PTPRN2: variants seen among roughly 807,000 people sequenced by gnomAD.
PTPRN2 encodes receptor-type tyrosine-protein phosphatase N2.
In PTPRN2, 74 loss-of-function variants were observed where a neutral mutation model predicts 118.8. That is an observed-to-expected ratio of 0.62 (90% CI 0.52 to 0.76). PTPRN2 has a LOEUF of 0.76. PTPRN2 is among the 30% of genes least tolerant of loss of function. The pLI, the probability that PTPRN2 is intolerant of heterozygous loss-of-function variation, is 0.00. For synonymous variants in PTPRN2, 641 were observed against 608.0 expected (o/e 1.05, Z -0.80); for missense variants, 1,481 against 1,394.4 (o/e 1.06, Z -0.99).
chr7:158,272,534 C>T (rs1300982528), intron 3 of PTPRN2, among the ~76,000 whole-genome samples: 3 of 152,172 alleles, frequency 2.0e-5, no homozygotes. Flanking sequence ...CTTCCACATC[C>T]CCTCACTCTC....
At chr7:158,235,488 A>G (rs1225647600) in intron 3 of PTPRN2, among the ~76,000 whole-genome samples, 2 of 152,242 alleles carry the variant, frequency 1.3e-5, no homozygotes, top group African/African-American at 4.8e-5. Flanking sequence ...AAATAAGCCA[A>G]ACATAGAAAG....
chr7:158,012,974 G>A (rs1210814781), intron 11 of PTPRN2, among the ~76,000 whole-genome samples: 1 of 152,206 alleles, frequency 6.6e-6, no homozygotes, highest in African/African-American at 2.4e-5. Context: ...GAGAGTGGAG[G>A]TGGTCAGACA....
intron 11 of PTPRN2, among the ~76,000 whole-genome samples, chr7:158,070,343 G>GTGGTGGTGGAGGTGCCCC (rs1563386316): frequency 1.4e-4 from 20 of 137,938 alleles, no homozygotes; most frequent in Non-Finnish European, 2.8e-4. Context: ...GGAGGTGCCC[G>GTGGTGGTGGAGGTGCCCC]TGGTGGTGGA....
intron 3 of PTPRN2, among the ~76,000 whole-genome samples, chr7:158,231,404 G>A (rs1327378230): frequency 6.6e-6 from 1 of 152,100 alleles, no homozygotes; most frequent in African/African-American, 2.4e-5. Flanking sequence ...TGATAAAAGG[G>A]TCAATCAGCA....
At position 158,130,513 on chromosome 7, in the gene PTPRN2, C is replaced by CAG. The variant is rs369492965; in HGVS notation, c.1556+3163_1556+3164insCT. Among the ~76,000 whole-genome samples, 706 of 146,142 alleles carry CAG rather than the reference C, an allele frequency of 4.8e-3. 20 individuals are homozygous for CAG. The highest frequency in any genetic ancestry group is 0.018 in the African/African-American group (655 of 36,690). ...CACAAACTTCTACCCAACACACACA[C>CAG]TCATACACACACACGTACATACAGA... is the stretch of plus-strand genomic sequence containing the variant. On this transcript the variant is annotated intron_variant, in intron 9 of 22. Coordinates refer to ENST00000389418, the MANE Select transcript of PTPRN2 (RefSeq NM_002847.5).
chr7:158,263,105 CACACACACTGCACACACAT>C (rs373688491), intron 3 of PTPRN2, among the ~76,000 whole-genome samples: 8 of 58,650 alleles, frequency 1.4e-4, no homozygotes, highest in Admixed American at 2.7e-4. Flanking sequence ...ACACACTGCA[CACACACACTGCACACACAT>C]ACACATATAC....
chr7:158,404,818 GC>G (rs1379095099), intron 2 of PTPRN2, among the ~76,000 whole-genome samples: 33 of 105,816 alleles, frequency 3.1e-4, no homozygotes, highest in African/African-American at 1.2e-3. Context: ...CAGCTCCCCG[GC>G]CCCCAGCTCC....
intron 12 of PTPRN2, among the ~76,000 whole-genome samples, chr7:157,888,054 T>C (rs113956640): frequency 0.17 from 18,236 of 109,804 alleles, 1,133 homozygotes; most frequent in Middle Eastern, 0.23. Flanking sequence ...ACGCACGCTG[T>C]CTTGGGGGGT....
At chr7:157,933,890 A>G (rs1281692744) in intron 11 of PTPRN2, among the ~76,000 whole-genome samples, 1 of 134,558 alleles carries the variant, frequency 7.4e-6, no homozygotes, top group Non-Finnish European at 1.7e-5. Flanking sequence ...TAGTGGAGGG[A>G]TGAGTCACCC....
At position 157,617,428 on chromosome 7, in the gene PTPRN2, C is replaced by T. The variant is rs1335059916; in HGVS notation, c.2344+3934G>A. On this transcript the variant is annotated intron_variant, in intron 15 of 22. Coordinates refer to ENST00000389418, the MANE Select transcript of PTPRN2 (RefSeq NM_002847.5). This position sits in a 1 kb window ranked among gnomAD's most constrained non-coding sequence, Gnocchi z 7.5. ...TGCCCCAGTGATGCCGTGGTTAGGA[C>T]GCCGTTCACGCAGCTGCAGCGCAGA... 1.4e-5 allele frequency: 2 copies of T among 143,028 alleles called. No individual in the cohort carries two copies. Among genetic ancestry groups the T allele is most frequent in the African/African-American group, 5.3e-5 (2 of 37,806 alleles). 8.9% of individuals were successfully genotyped at this position (143,028 alleles called of 1,614,324 possible).
intron 2 of PTPRN2, among the ~76,000 whole-genome samples, chr7:158,482,313 C>A (rs533345930): frequency 1.3e-5 from 2 of 152,338 alleles, no homozygotes; most frequent in African/African-American, 4.8e-5. Context: ...TACCAAACAG[C>A]ATTGCGTTCT....
chr7:157,710,071 G>C (rs1318276234), intron 12 of PTPRN2, among the ~76,000 whole-genome samples: 1 of 152,132 alleles, frequency 6.6e-6, no homozygotes, highest in Non-Finnish European at 1.5e-5. Context: ...CCCACAGAAG[G>C]GTGCTCGCCT....
At chr7:158,071,284 TGGTGG>T (rs1811487622) in intron 11 of PTPRN2, among the ~76,000 whole-genome samples, 5 of 106,086 alleles carry the variant, frequency 4.7e-5, no homozygotes, top group Non-Finnish European at 9.8e-5. Context: ...GTGCCCGTGG[TGGTGG>T]AGGTGCTCGT....
chr7:157,928,778 G>A (rs936352967), intron 11 of PTPRN2, among the ~76,000 whole-genome samples: 1 of 148,966 alleles, frequency 6.7e-6, no homozygotes, highest in Non-Finnish European at 1.5e-5. Context: ...AGAGAGCGGG[G>A]CAGATGGCAG....
chr7:157,684,564 C>G (rs1476399648), intron 12 of PTPRN2, among the ~76,000 whole-genome samples: 1 of 151,452 alleles, frequency 6.6e-6, no homozygotes, highest in Non-Finnish European at 1.5e-5. Context: ...AGATCCGGTC[C>G]GCGCCCCCTC....
chr7:157,979,393 G>A (rs1465900987), intron 11 of PTPRN2, among the ~76,000 whole-genome samples: 4 of 152,160 alleles, frequency 2.6e-5, no homozygotes, highest in African/African-American at 9.7e-5. Context: ...TTCCACATCT[G>A]AGAAAACACT....
At chr7:157,693,033 C>G (rs917863832) in intron 12 of PTPRN2, among the ~76,000 whole-genome samples, 4 of 151,764 alleles carry the variant, frequency 2.6e-5, no homozygotes, top group African/African-American at 7.3e-5. Flanking sequence ...ACCCCAGGCC[C>G]GGCCCTGGGC....
chr7:158,224,380 T>A (rs1430428945), intron 3 of PTPRN2, among the ~76,000 whole-genome samples: 1 of 152,204 alleles, frequency 6.6e-6, no homozygotes, highest in Non-Finnish European at 1.5e-5. Flanking sequence ...GACTGTGTAG[T>A]ACTGATGAAC....
At chr7:157,891,471 G>A (rs1469795805) in intron 12 of PTPRN2, among the ~76,000 whole-genome samples, 3 of 127,624 alleles carry the variant, frequency 2.4e-5, no homozygotes, top group African/African-American at 9.3e-5. Flanking sequence ...TTCATGGGGC[G>A]GATTCCCACA....
Sources: allele counts gnomAD v4.1 joint callset (sites outside exome capture counted in the v4.1 genomes callset), GRCh38; gene constraint gnomAD v4.1.1; non-coding constraint Gnocchi (gnomAD v3.1); transcripts MANE v1.5; gene names NCBI Gene and HGNC (gene_info 2026-07-23, HGNC 2026-07-21).